Variants in VWC2 observed in about 807,000 individuals in gnomAD.
VWC2 encodes brorin.
VWC2 carries 14 observed loss-of-function variants against 29.8 expected under a neutral mutation model. That is an observed-to-expected ratio of 0.47 (90% CI 0.31 to 0.74). The LOEUF (loss-of-function observed/expected upper bound fraction) is 0.74, where lower values mean the gene tolerates loss of function less well. Ranked by LOEUF, VWC2 falls within the 30% of genes least tolerant of loss-of-function variation. The pLI, the probability that VWC2 is intolerant of heterozygous loss-of-function variation, is 0.05. For synonymous variants in VWC2, 213 were observed against 199.0 expected (o/e 1.07, Z -0.59); for missense variants, 457 against 459.8 (o/e 0.99, Z 0.05).
rs73108837 is a variant in VWC2 at position 49,799,430 on chromosome 7, G to A, written c.697-3281G>A. On this transcript the variant is annotated intron_variant, in intron 2 of 3. Transcript: ENST00000340652. ...GAGGGCTTCTGCCCAGGCAGAACTA[G>A]CAGGGCACCTGGCTGGCATCTGAGG... 4.1e-3 allele frequency among the ~76,000 whole-genome samples: 624 copies of A among 152,372 alleles called. 3 individuals carry two copies. The highest frequency in any genetic ancestry group is 7.5e-3 in the Non-Finnish European group (509 of 68,040).
intron 3 of VWC2, among the ~76,000 whole-genome samples, chr7:49,909,859 T>C (rs1368236280): frequency 1.3e-4 from 20 of 152,138 alleles, no homozygotes; most frequent in Admixed American, 1.3e-3. Context: ...ATCCCAGCAC[T>C]TTGGGAGGTC....
intron 2 of VWC2, among the ~76,000 whole-genome samples, chr7:49,790,065 C>T (rs189154567): frequency 2.2e-4 from 34 of 152,362 alleles, no homozygotes; most frequent in African/African-American, 7.9e-4. Flanking sequence ...AGGAGGTCTT[C>T]CTCATTCTCC....
chr7:49,864,741 C>CT (rs771775636), intron 3 of VWC2, among the ~76,000 whole-genome samples: 39 of 152,350 alleles, frequency 2.6e-4, no homozygotes, highest in Middle Eastern at 3.4e-3. Flanking sequence ...TTTATGAATG[C>CT]TGTCTGCTCC....
At position 49,913,826 on chromosome 7, in the gene VWC2, CATCT is replaced by C. The variant is rs771256791; in HGVS notation, c.*1645_*1648del. 11 of 152,174 alleles carry C rather than the reference CATCT, an allele frequency of 7.2e-5. No homozygotes were observed. Among genetic ancestry groups the C allele is most frequent in the African/African-American group, 1.9e-4 (8 of 41,532 alleles). 9.4% of individuals were successfully genotyped at this position (152,174 alleles called of 1,614,324 possible). A position where few individuals can be genotyped will look rare whatever the true frequency, so the allele number is the denominator to read the frequency against. ...GAATAACATTCAAGAAAAATGGATA[CATCT>C]ATCATAATTGAAAAATTAAACTATT... On this transcript the variant is annotated 3_prime_UTR_variant, in exon 4 of 4. Transcript: ENST00000340652.
At chr7:49,862,370 T>C (rs1790686631) in intron 3 of VWC2, among the ~76,000 whole-genome samples, 1 of 152,186 alleles carries the variant, frequency 6.6e-6, no homozygotes, top group Non-Finnish European at 1.5e-5. Flanking sequence ...TATCTTCTCA[T>C]GAATTATTTG....
chr7:49,796,559 AG>A (rs1262117470), intron 2 of VWC2, among the ~76,000 whole-genome samples: 2 of 152,182 alleles, frequency 1.3e-5, no homozygotes, highest in Non-Finnish European at 2.9e-5. Flanking sequence ...TTGCATTCCC[AG>A]GTAGGTAGGC....
chr7:49,819,124 A>G (rs1234170934), intron 3 of VWC2, among the ~76,000 whole-genome samples: 10 of 152,190 alleles, frequency 6.6e-5, no homozygotes, highest in Non-Finnish European at 1.5e-5. Flanking sequence ...TCCCTCTGCC[A>G]TGGCTGCATC....
intron 3 of VWC2, among the ~76,000 whole-genome samples, chr7:49,877,170 A>G (rs1404214126): frequency 6.6e-6 from 1 of 151,786 alleles, no homozygotes; most frequent in African/African-American, 2.4e-5. Flanking sequence ...GCTCAAAAAT[A>G]TTTATTTGGG....
chr7:49,784,013 C>G (rs1203665083), intron 2 of VWC2, among the ~76,000 whole-genome samples: 5 of 152,232 alleles, frequency 3.3e-5, no homozygotes, highest in Admixed American at 6.5e-5. Context: ...TGAGACCTCT[C>G]CTTCCTTTCC....
At chr7:49,849,915 CA>C (rs1414395876) in intron 3 of VWC2, among the ~76,000 whole-genome samples, 2 of 152,044 alleles carry the variant, frequency 1.3e-5, no homozygotes, top group Non-Finnish European at 2.9e-5. Flanking sequence ...AGCACAGGTA[CA>C]AAAAAATTCA....
chr7:49,898,694 G>A (rs1207091163), intron 3 of VWC2, among the ~76,000 whole-genome samples: 2 of 152,044 alleles, frequency 1.3e-5, no homozygotes, highest in Admixed American at 1.3e-4. Flanking sequence ...ACAGCAGTAG[G>A]ACAATGGATA....
chr7:49,872,163 T>A (rs1791186651), intron 3 of VWC2, among the ~76,000 whole-genome samples: 1 of 152,112 alleles, frequency 6.6e-6, no homozygotes, highest in Admixed American at 6.5e-5. Context: ...AAATATTTGA[T>A]CATTGAAACT....
intron 3 of VWC2, among the ~76,000 whole-genome samples, chr7:49,818,417 T>TC (rs1312529099): frequency 1.3e-5 from 2 of 152,202 alleles, no homozygotes; most frequent in Admixed American, 1.3e-4. Flanking sequence ...TTCTTGTTTT[T>TC]CCCCATCTTA....
chr7:49,865,088 G>A (rs1234341333), intron 3 of VWC2, among the ~76,000 whole-genome samples: 5 of 152,114 alleles, frequency 3.3e-5, no homozygotes, highest in Admixed American at 1.3e-4. Flanking sequence ...ATACTTTTCT[G>A]TCATGTTTTC....
At chr7:49,779,597 C>G (rs1229295630) in intron 2 of VWC2, among the ~76,000 whole-genome samples, 1 of 138,794 alleles carries the variant, frequency 7.2e-6, no homozygotes, top group Non-Finnish European at 1.6e-5. Context: ...TTTTTTTTTT[C>G]AGTAAAGGAA....
chr7:49,799,420 G>A (rs1788682531), intron 2 of VWC2, among the ~76,000 whole-genome samples: 2 of 152,256 alleles, frequency 1.3e-5, no homozygotes, highest in African/African-American at 4.8e-5. Context: ...CTTCTGCCCA[G>A]GCAGAACTAG....
rs1384204419 is a variant in VWC2, at chr7:49,917,183, A to C, written c.*4998A>C. 6.6e-6 allele frequency: 1 copy of C among 152,174 alleles called. No homozygotes were observed. The highest frequency in any genetic ancestry group is 1.5e-5 in the Non-Finnish European group (1 of 68,024). 9.4% of individuals were successfully genotyped at this position (152,174 alleles called of 1,614,324 possible). On this transcript the variant is annotated 3_prime_UTR_variant, in exon 4 of 4. Coordinates refer to ENST00000340652, the MANE Select transcript of VWC2 (RefSeq NM_198570.5). ...ATAATGAGCTGAGTCATTTGTACAGAAATATAGTAGCTTCCATAATCTGAA... is the reference window on the plus strand; with the variant it reads ...ATAATGAGCTGAGTCATTTGTACAGCAATATAGTAGCTTCCATAATCTGAA...
intron 2 of VWC2, among the ~76,000 whole-genome samples, chr7:49,793,813 C>T (rs1788519760): frequency 6.6e-6 from 1 of 152,066 alleles, no homozygotes; most frequent in East Asian, 1.9e-4. Flanking sequence ...AGTTAATAAC[C>T]AACTGAGAAG....
In VWC2 at chr7:49,775,887, G is replaced by T; in HGVS notation, c.452G>T (p.Arg151Leu). Reference sequence around the variant, plus strand: ...GAGGAGTACGTGTACCCGGACTACCGTGGCAAGGGCTGCGTGGACGAGAGC... The same window carrying T: ...GAGGAGTACGTGTACCCGGACTACCTTGGCAAGGGCTGCGTGGACGAGAGC... The part of the protein sequence containing the change: ...PPEEYVYPDY[R>L]GKGCVDESGF... The change falls in exon 2 of 4, where the codon CGT (arginine) becomes CTT (leucine). Residue 151 changes from arginine to leucine, a missense_variant. By Grantham distance (102) the Arg-to-Leu change is moderately radical. Coordinates refer to ENST00000340652, the MANE Select transcript of VWC2 (RefSeq NM_198570.5). The T allele has an allele frequency of 6.4e-7, 1 of 1,558,574 alleles. No homozygotes were observed. Among genetic ancestry groups the T allele is most frequent in the Non-Finnish European group, 8.7e-7 (1 of 1,152,178 alleles).
Sources: allele counts gnomAD v4.1 joint callset (sites outside exome capture counted in the v4.1 genomes callset), GRCh38; gene constraint gnomAD v4.1.1; transcripts MANE v1.5; gene names NCBI Gene and HGNC (gene_info 2026-07-23, HGNC 2026-07-21).